The following DCLK1 variants were observed in gnomAD, a reference collection of about 807,000 sequenced individuals.
The protein encoded by DCLK1 is serine/threonine-protein kinase DCLK1.
DCLK1 carries 16 observed loss-of-function variants against 86.2 expected under a neutral mutation model. That is an observed-to-expected ratio of 0.19 (90% confidence interval 0.13 to 0.28). The LOEUF is 0.28. Among genes scored for constraint, DCLK1 ranks in the 10% least tolerant of loss-of-function variants. The pLI is 1.00. For missense variants in DCLK1, 590 were observed against 940.2 expected, an observed-to-expected ratio of 0.63 and a Z score of 4.87; for synonymous variants, 369 against 370.5, an observed-to-expected ratio of 1.00 and a Z score of 0.05.
intron 3 of DCLK1, among the ~76,000 whole-genome samples, chr13:35,987,437 C>T (rs943539650): frequency 1.3e-5 from 2 of 152,038 alleles, no homozygotes; most frequent in Non-Finnish European, 2.9e-5. Context: ...AGCAGTGAGG[C>T]GCCAGCCACT....
At chr13:35,822,918 G>A (rs1246694761) in intron 10 of DCLK1, 43 bp from the exon 11 acceptor site, 1 of 1,606,966 alleles carries the variant, frequency 6.2e-7, no homozygotes, top group Non-Finnish European at 8.5e-7. Context: ...TAACAGACGG[G>A]CCAGTGGGGC....
intron 4 of DCLK1, among the ~76,000 whole-genome samples, chr13:35,946,117 ATCTG>A (rs1566614868): frequency 1.3e-5 from 2 of 152,236 alleles, no homozygotes; most frequent in East Asian, 1.9e-4. Flanking sequence ...GGCTTAGATG[ATCTG>A]TCTATCTCAG....
intron 3 of DCLK1, among the ~76,000 whole-genome samples, chr13:35,977,142 G>A (rs936751166): frequency 6.6e-6 from 1 of 152,182 alleles, no homozygotes; most frequent in Non-Finnish European, 1.5e-5. Flanking sequence ...TATATACAGA[G>A]AGAGAAAGAT....
chr13:35,848,552 G>C (rs148519572), intron 6 of DCLK1: 1 of 985,084 alleles, frequency 1.0e-6, no homozygotes, highest in East Asian at 1.1e-4. Context: ...GATATCTATC[G>C]GCAATTAGTA....
chr13:35,937,815 G>A (rs1876847640), intron 4 of DCLK1, among the ~76,000 whole-genome samples: 1 of 152,160 alleles, frequency 6.6e-6, no homozygotes, highest in Non-Finnish European at 1.5e-5. Flanking sequence ...TGAAGAAGTG[G>A]AGGCTTCAAG....
At chr13:35,851,995 A>ATG (rs1555344390) in intron 6 of DCLK1, among the ~76,000 whole-genome samples, 5,765 of 143,508 alleles carry the variant, frequency 0.04, 133 homozygotes, top group African/African-American at 0.084. Context: ...ATGTGTGTGT[A>ATG]TGTGTGTGTG....
At chr13:35,952,815 C>G (rs1877773875) in intron 3 of DCLK1, among the ~76,000 whole-genome samples, 1 of 152,168 alleles carries the variant, frequency 6.6e-6, no homozygotes, top group African/African-American at 2.4e-5. Flanking sequence ...GCATGAGACT[C>G]TATGTGATGG....
chr13:35,944,567 T>C (rs1877262919), intron 4 of DCLK1, among the ~76,000 whole-genome samples: 1 of 152,200 alleles, frequency 6.6e-6, no homozygotes, highest in Non-Finnish European at 1.5e-5. Flanking sequence ...AATGTGTGAA[T>C]TTAGTCTTGG....
intron 3 of DCLK1, among the ~76,000 whole-genome samples, chr13:35,985,093 A>G (rs1222731821): frequency 6.6e-6 from 1 of 152,186 alleles, no homozygotes; most frequent in East Asian, 1.9e-4. Context: ...TGCGCTTAAA[A>G]TAGAAGTTCT....
At chr13:36,017,225 C>T (rs1481587072) in intron 3 of DCLK1, among the ~76,000 whole-genome samples, 3 of 152,104 alleles carry the variant, frequency 2.0e-5, no homozygotes, top group Non-Finnish European at 1.5e-5. Context: ...CTCCAAACTG[C>T]GGGATCTGTT....
chr13:35,986,300 CAAAAAAAAA>C (rs60156251), intron 3 of DCLK1, among the ~76,000 whole-genome samples: 3 of 44,400 alleles, frequency 6.8e-5, no homozygotes, highest in East Asian at 8.6e-4. Flanking sequence ...GACTCCGTCT[CAAAAAAAAA>C]AAAAAAAAAA....
intron 2 of DCLK1, among the ~76,000 whole-genome samples, chr13:36,120,484 C>T (rs1393498999): frequency 6.6e-6 from 1 of 152,078 alleles, no homozygotes; most frequent in African/African-American, 2.4e-5. Context: ...TACCATATAG[C>T]CTAGGTGTGG....
chr13:36,061,629 T>C (rs1196006871), intron 3 of DCLK1, among the ~76,000 whole-genome samples: 1 of 152,160 alleles, frequency 6.6e-6, no homozygotes. Flanking sequence ...AAAAATAATA[T>C]ATCTGGAAAA....
At chr13:35,880,761 CA>C (rs1266272430) in intron 4 of DCLK1, among the ~76,000 whole-genome samples, 1 of 152,174 alleles carries the variant, frequency 6.6e-6, no homozygotes, top group Non-Finnish European at 1.5e-5. Flanking sequence ...GGGCTTTGCT[CA>C]GGGTCTGCTG....
At chr13:35,788,355 C>T (rs1370126402) in intron 16 of DCLK1, 1 of 1,398,462 alleles carries the variant, frequency 7.2e-7, no homozygotes, top group African/African-American at 1.4e-5. Context: ...CCAGACCAAG[C>T]TGTTCTTCAT....
intron 3 of DCLK1, among the ~76,000 whole-genome samples, chr13:36,098,349 A>G (rs1885085720): frequency 6.6e-6 from 1 of 152,188 alleles, no homozygotes; most frequent in Non-Finnish European, 1.5e-5. Context: ...TCTGGCACAG[A>G]GCTGGTGCAC....
intron 5 of DCLK1, among the ~76,000 whole-genome samples, chr13:35,866,525 TCACTGCAA>T (rs377098374): frequency 8.0e-5 from 12 of 150,872 alleles, no homozygotes; most frequent in African/African-American, 2.9e-4. Context: ...CAATCTCGAC[TCACTGCAA>T]CCTCTGCCTC....
intron 6 of DCLK1, chr13:35,847,623 A>AAAGAAAGAAAGAAAGAAAGAAAGAAAG (rs1870277028): frequency 1.6e-6 from 1 of 641,522 alleles, no homozygotes; most frequent in African/African-American, 1.9e-5. Flanking sequence ...TTAAGCAAAA[A>AAAGAAAGAAAGAAAGAAAGAAAGAAAG]AAAGAAAGAA....
intron 4 of DCLK1, among the ~76,000 whole-genome samples, chr13:35,893,919 T>C (rs1191035360): frequency 1.3e-5 from 2 of 152,172 alleles, no homozygotes; most frequent in African/African-American, 4.8e-5. Context: ...CCACAGATCA[T>C]CCACTGGGGT....
Sources: gnomAD v4.1 joint callset for allele counts (sites outside exome capture counted in the v4.1 genomes callset) on GRCh38, gnomAD v4.1.1 for gene constraint, MANE v1.5 for transcripts, NCBI Gene and HGNC (gene_info 2026-07-23, HGNC 2026-07-21) for gene names.